The following RARB variants were observed in gnomAD, a reference collection of about 807,000 sequenced individuals.
RARB encodes the protein retinoic acid receptor beta, also known as HBV-activated protein.
A neutral mutation model predicts 51.9 loss-of-function variants in RARB; 17 were observed. The observed-to-expected ratio is 0.33, with a 90% confidence interval of 0.22 to 0.49. The LOEUF (loss-of-function observed/expected upper bound fraction) is 0.49. RARB is among the 20% of genes least tolerant of loss of function. RARB has a pLI of 0.99. For missense variants in RARB, 369 were observed against 550.8 expected, an observed-to-expected ratio of 0.67 and a Z score of 3.30; for synonymous variants, 215 against 195.4, an observed-to-expected ratio of 1.10 and a Z score of -0.84.
chr3:25,018,354 C>A (rs1697559592), intron 2 of RARB, among the ~76,000 whole-genome samples: 2 of 152,186 alleles, frequency 1.3e-5, no homozygotes, highest in African/African-American at 4.8e-5. Flanking sequence ...CCTCTAATCT[C>A]TCACAAACTG....
At chr3:25,185,471 T>C (rs937979788) in intron 5 of RARB, among the ~76,000 whole-genome samples, 1 of 152,104 alleles carries the variant, frequency 6.6e-6, no homozygotes, top group African/African-American at 2.4e-5. Context: ...CTAACACTAA[T>C]ATTAATTGCT....
chr3:24,927,097 A>G (rs1388501087), intron 2 of RARB, among the ~76,000 whole-genome samples: 1 of 152,112 alleles, frequency 6.6e-6, no homozygotes, highest in African/African-American at 2.4e-5. Flanking sequence ...CTTTAACCTC[A>G]TATATTCTCA....
At chr3:25,222,112 A>C (rs1701961153) in intron 5 of RARB, among the ~76,000 whole-genome samples, 1 of 152,202 alleles carries the variant, frequency 6.6e-6, no homozygotes. Flanking sequence ...ATGATGCATT[A>C]GTGTAATTCA....
intron 5 of RARB, among the ~76,000 whole-genome samples, chr3:25,202,375 CA>C (rs535912752): frequency 1.3e-5 from 2 of 151,214 alleles, no homozygotes; most frequent in South Asian, 2.1e-4. Flanking sequence ...TTGATCTTTT[CA>C]AAAAAAACAG....
chr3:24,926,938 T>C (rs941488626), intron 2 of RARB, among the ~76,000 whole-genome samples: 1 of 152,064 alleles, frequency 6.6e-6, no homozygotes, highest in African/African-American at 2.4e-5. Context: ...TTTCTTGTCA[T>C]AACTCAGCTG....
At chr3:24,862,540 G>T (rs1379331218) in intron 2 of RARB, among the ~76,000 whole-genome samples, 1 of 152,098 alleles carries the variant, frequency 6.6e-6, no homozygotes, top group Admixed American at 6.6e-5. Flanking sequence ...AAAATCTCTG[G>T]CTCTCCTGCT....
chr3:25,147,010 G>A (rs1444779060), intron 4 of RARB, among the ~76,000 whole-genome samples: 1 of 152,102 alleles, frequency 6.6e-6, no homozygotes, highest in Non-Finnish European at 1.5e-5. Context: ...TTATTTGGTC[G>A]AGGATGGGGC....
At chr3:24,959,517 G>GC (rs1696093473) in intron 2 of RARB, among the ~76,000 whole-genome samples, 1 of 152,192 alleles carries the variant, frequency 6.6e-6, no homozygotes, top group Admixed American at 6.5e-5. Flanking sequence ...ATGGAGTGGG[G>GC]CGGGGTAGGC....
At chr3:25,008,057 T>G (rs1697313645) in intron 2 of RARB, among the ~76,000 whole-genome samples, 1 of 152,178 alleles carries the variant, frequency 6.6e-6, no homozygotes, top group African/African-American at 2.4e-5. Flanking sequence ...CTCTATATTC[T>G]AATGTTGAAT....
intron 2 of RARB, among the ~76,000 whole-genome samples, chr3:24,897,160 A>T (rs142868047): frequency 4.2e-4 from 64 of 152,342 alleles, no homozygotes; most frequent in African/African-American, 1.3e-3. Flanking sequence ...ATAAAGCAGG[A>T]CATTGCCATT....
At chr3:24,874,099 A>T (rs1485607726) in intron 2 of RARB, among the ~76,000 whole-genome samples, 1 of 152,068 alleles carries the variant, frequency 6.6e-6, no homozygotes, top group Non-Finnish European at 1.5e-5. Flanking sequence ...ATATGCAAAT[A>T]CTACTCCATA....
At chr3:25,060,801 AGT>A (rs1698534153) in intron 3 of RARB, among the ~76,000 whole-genome samples, 1 of 151,850 alleles carries the variant, frequency 6.6e-6, no homozygotes, top group Non-Finnish European at 1.5e-5. Context: ...TCATGAGTAG[AGT>A]GTGAGTACTG....
At chr3:24,980,186 C>T (rs1296416828) in intron 2 of RARB, among the ~76,000 whole-genome samples, 1 of 152,200 alleles carries the variant, frequency 6.6e-6, no homozygotes, top group Non-Finnish European at 1.5e-5. Flanking sequence ...ACCTTTCTCT[C>T]TGGCTGCCCT....
At chr3:25,271,495 C>T (rs1703256750) in intron 5 of RARB, among the ~76,000 whole-genome samples, 1 of 152,182 alleles carries the variant, frequency 6.6e-6, no homozygotes, top group Non-Finnish European at 1.5e-5. Context: ...AAATTAGGTG[C>T]TTTCTGCGTT....
intron 2 of RARB, among the ~76,000 whole-genome samples, chr3:24,898,386 A>C (rs1467981662): frequency 6.6e-6 from 1 of 151,084 alleles, no homozygotes; most frequent in Non-Finnish European, 1.5e-5. Context: ...AACAAATAGG[A>C]ATAAATTATA....
chr3:25,479,154 T>G (rs1057250032), intron 2 of RARB, among the ~76,000 whole-genome samples: 1 of 150,674 alleles, frequency 6.6e-6, no homozygotes, highest in Non-Finnish European at 1.5e-5. Flanking sequence ...CTGTCTGTCT[T>G]CTTTTTTTTT....
intron 5 of RARB, among the ~76,000 whole-genome samples, chr3:25,186,202 C>T (rs1292004501): frequency 2.6e-5 from 4 of 152,044 alleles, no homozygotes; most frequent in Non-Finnish European, 5.9e-5. Flanking sequence ...TATCCCATAT[C>T]AACCTCATAT....
At chr3:24,920,706 C>T (rs1040338586) in intron 2 of RARB, among the ~76,000 whole-genome samples, 2 of 152,172 alleles carry the variant, frequency 1.3e-5, no homozygotes, top group East Asian at 3.9e-4. Flanking sequence ...GGTTATGCCA[C>T]GATGGCTTCC....
intron 3 of RARB, among the ~76,000 whole-genome samples, chr3:25,095,909 A>G (rs1699284600): frequency 6.6e-6 from 1 of 152,154 alleles, no homozygotes; most frequent in South Asian, 2.1e-4. Flanking sequence ...AATGCATTTT[A>G]AATCTACATC....
Sources: allele counts gnomAD v4.1 joint callset (sites outside exome capture counted in the v4.1 genomes callset), GRCh38; gene constraint gnomAD v4.1.1; transcripts MANE v1.5; gene names NCBI Gene and HGNC (gene_info 2026-07-23, HGNC 2026-07-21).